Variants in EXTL1 observed in about 807,000 individuals in gnomAD.
The protein encoded by EXTL1 is exostosin-like 1.
EXTL1 carries 43 observed loss-of-function variants against 64.6 expected under a neutral mutation model. The ratio of observed to expected loss-of-function variants is 0.67; its 90% confidence interval spans 0.52 to 0.86. The LOEUF (loss-of-function observed/expected upper bound fraction) is 0.86, where lower values mean the gene tolerates loss of function less well. Among genes scored for constraint, EXTL1 ranks in the 40% least tolerant of loss-of-function variants. The pLI, the probability that EXTL1 is intolerant of heterozygous loss-of-function variation, is 0.00. For missense variants in EXTL1, 766 were observed against 879.0 expected, an observed-to-expected ratio of 0.87 and a Z score of 1.62; for synonymous variants, 352 against 360.5, an observed-to-expected ratio of 0.98 and a Z score of 0.27.
intron 1 of EXTL1, among the ~76,000 whole-genome samples, chr1:26,026,478 G>C (rs1162722627): frequency 2.0e-5 from 3 of 151,878 alleles, no homozygotes; most frequent in Non-Finnish European, 4.4e-5. Context: ...ATTTTTAGTA[G>C]AGATGGGGTT....
chr1:26,023,024 C>G lies in EXTL1; in HGVS notation c.378C>G (p.Phe126Leu). ...TTGAGGGCTCTCGCTTCTACACATTCAGCCCTGCTGGGGCCTGCCTCCTCC... is the reference window on the plus strand; with the variant it reads ...TTGAGGGCTCTCGCTTCTACACATTGAGCCCTGCTGGGGCCTGCCTCCTCC... ...ASIEGSRFYT[F>L]SPAGACLLLL... The change falls in exon 1 of 11, where the codon TTC becomes TTG. Residue 126 changes from phenylalanine to leucine, a missense_variant. Coordinates refer to ENST00000374280, the MANE Select transcript of EXTL1 (RefSeq NM_004455.3). 6.2e-7 allele frequency: 1 copy of G among 1,614,150 alleles called. No individual in the cohort carries two copies. The highest frequency in any genetic ancestry group is 1.1e-5 in the South Asian group (1 of 91,066).
intron 6 of EXTL1, chr1:26,032,149 A>G: frequency 2.1e-6 from 1 of 469,168 alleles, no homozygotes; most frequent in Non-Finnish European, 3.8e-6. Context: ...ACCACAGACA[A>G]CTCTCTTGAG....
chr1:26,029,098 G>A lies in EXTL1; in HGVS notation c.780-95G>A, dbSNP rs2050249858. The A allele has an allele frequency of 6.3e-6, 5 of 797,878 alleles. No individual in the cohort carries two copies. In the South Asian group the frequency reaches 7.8e-5, roughly 12 times the overall value. 49.4% of individuals were successfully genotyped at this position (797,878 alleles called of 1,614,324 possible). A position where few individuals can be genotyped will look rare whatever the true frequency, so the allele number is the denominator to read the frequency against. ...ACATTTGGGAGTGTGGGTGTGGGGT[G>A]CAGGGGTGTGGGGTTCTCCCATTGA... On this transcript the variant is annotated intron_variant, in intron 1 of 10. Transcript: ENST00000374280.
At chr1:26,027,613 T>C (rs774309839) in intron 1 of EXTL1, among the ~76,000 whole-genome samples, 1 of 147,554 alleles carries the variant, frequency 6.8e-6, no homozygotes, top group Non-Finnish European at 1.5e-5. Flanking sequence ...CTCAACACTT[T>C]GGGAGACTGA....
chr1:26,029,172 C>T (rs2050251602), intron 1 of EXTL1, 21 bp from the exon 2 acceptor site: 1 of 1,583,234 alleles, frequency 6.3e-7, no homozygotes, highest in African/African-American at 1.3e-5. Context: ...TGTGGTGGGA[C>T]CTCCCCATGT....
chr1:26,030,096 G>A (rs1212196188), intron 3 of EXTL1, among the ~76,000 whole-genome samples: 1 of 152,124 alleles, frequency 6.6e-6, no homozygotes, highest in African/African-American at 2.4e-5. Context: ...AACGCATGGC[G>A]ACTTTTCCAT....
In EXTL1 at chr1:26,030,511, G is replaced by T; in HGVS notation, c.1017G>T (p.Arg339=). 6.2e-7 allele frequency: 1 copy of T among 1,613,284 alleles called. No homozygotes were observed. The highest frequency in any genetic ancestry group is 8.5e-7 in the Non-Finnish European group (1 of 1,179,916). ...LAALQEMSPA[R]VLALRQQTQF... ...CCCTCCAGGAGATGTCCCCTGCACG[G>T]GTCCTCGCCCTGCGTCAGCAGACCC... The change falls in exon 4 of 11, where the codon CGG becomes CGT. Residue 339 remains arginine (R), a synonymous_variant. Transcript: ENST00000374280.
At chr1:26,029,035 G>A (rs567794701) in intron 1 of EXTL1, among the ~76,000 whole-genome samples, 158 bp from the exon 2 acceptor site, 11 of 152,302 alleles carry the variant, frequency 7.2e-5, no homozygotes, top group Admixed American at 5.2e-4. Context: ...GTGTTAGTGC[G>A]TCAGTGTGCG....
In EXTL1 at chr1:26,029,193, G is replaced by T; in HGVS notation, c.780G>T (p.Gln260His). 6.2e-7 allele frequency: 1 copy of T among 1,612,730 alleles called. No individual in the cohort carries two copies. ...GRCEQDPGPGQTQRQETLPNA... is the reference protein window; with the variant it reads ...GRCEQDPGPGHTQRQETLPNA... ...GGGACCTCCCCATGTGCCTCTTTAG[G>T]ACCCAGCGCCAGGAGACGCTGCCCA... Residue 260 changes from glutamine (Q) to histidine (H), a missense_variant and splice_region_variant, in exon 2 of 11, where the codon CAG becomes CAT. Physicochemically the swap from Gln to His is conservative, Grantham distance 24. Coordinates refer to ENST00000374280, the MANE Select transcript of EXTL1 (RefSeq NM_004455.3).
Position 26,033,250 on chromosome 1 carries a change from T to C in EXTL1, c.1453T>C (p.Tyr485His). The C allele has an allele frequency of 1.2e-6, 2 of 1,613,834 alleles. No individual in the cohort carries two copies. Among genetic ancestry groups the C allele is most frequent in the East Asian group, 2.2e-5 (1 of 44,876 alleles). Residue 485 changes from tyrosine (Y) to histidine (H), a missense_variant, in exon 8 of 11, where the codon TAT (tyrosine) becomes CAT (histidine). Around this residue, in one of 3 missense-constraint regions of EXTL1, gnomAD observed 571 missense variants for 647.6 expected, o/e 0.88. Coordinates refer to ENST00000374280, the MANE Select transcript of EXTL1 (RefSeq NM_004455.3). The surrounding 1 kb of genome is among the most constrained non-coding windows in gnomAD (Gnocchi z 5.1). ...GCAGGTTAGTGATCGCTTCTACCCA[T>C]ATAGCACCATCAGAACAGATGCCAT... is the stretch of plus-strand genomic sequence containing the variant. Reference protein sequence around the residue: ...HRKVSDRFYPYSTIRTDAILS... With the variant: ...HRKVSDRFYPHSTIRTDAILS...
chr1:26,031,514 A>G lies in EXTL1; in HGVS notation c.1289A>G (p.Gln430Arg), dbSNP rs752734450. The G allele has an allele frequency of 4.4e-6, 7 of 1,602,292 alleles. No individual in the cohort carries two copies. The Admixed American group carries it at 5.1e-5, about 12-fold the overall frequency. The change falls in exon 6 of 11, where the codon CAG (glutamine) becomes CGG (arginine). Residue 430 changes from glutamine (Q) to arginine (R), a missense_variant. Gln to Arg is a conservative substitution (Grantham distance 43). Coordinates refer to ENST00000374280, the MANE Select transcript of EXTL1 (RefSeq NM_004455.3). ...SALIWVGPPG[Q>R]PPLKLIQAVA... ...CTGATCTGGGTGGGGCCCCCAGGCC[A>G]GCCCCCTCTGAAGCTCATCCAGGCG...
At chr1:26,030,215 C>T (rs544412535) in intron 3 of EXTL1, among the ~76,000 whole-genome samples, 1 of 152,160 alleles carries the variant, frequency 6.6e-6, no homozygotes, top group African/African-American at 2.4e-5. Flanking sequence ...TTTAATTGAG[C>T]CTCTACAATG....
intron 1 of EXTL1, among the ~76,000 whole-genome samples, chr1:26,024,991 A>G (rs376505105): frequency 2.6e-5 from 4 of 152,130 alleles, no homozygotes; most frequent in African/African-American, 7.2e-5. Context: ...CGGTTTTCTA[A>G]TTAGCGTGGG....
chr1:26,031,460 G>T lies in EXTL1; in HGVS notation c.1235G>T (p.Gly412Val). ...QDFPFYYLQQGSRPEGRFSAL... is the reference protein window; with the variant it reads ...QDFPFYYLQQVSRPEGRFSAL... The stretch of plus-strand genomic sequence containing the variant: ...AATAGCCTGTGTCTCATTCCCCCAG[G>T]CTCCCGCCCTGAGGGCAGATTCAGC... The change falls in exon 6 of 11, where the codon GGC becomes GTC. Residue 412 changes from glycine to valine, a missense_variant and splice_region_variant. Physicochemically the swap from Gly to Val is moderately radical, Grantham distance 109. Transcript: ENST00000374280. The T allele has an allele frequency of 6.4e-7, 1 of 1,553,232 alleles. No homozygotes were observed. Among genetic ancestry groups the T allele is most frequent in the Non-Finnish European group, 8.7e-7 (1 of 1,144,408 alleles).
At position 26,034,787 on chromosome 1, in the gene EXTL1, TG is replaced by T. The variant is rs772021775; in HGVS notation, c.1680-45del. The T allele has an allele frequency of 1.9e-6, 3 of 1,580,354 alleles. No individual in the cohort carries two copies. The highest frequency in any genetic ancestry group is 4.5e-5 in the East Asian group (2 of 44,482). On this transcript the variant is annotated intron_variant, in intron 9 of 10. Coordinates refer to ENST00000374280, the MANE Select transcript of EXTL1 (RefSeq NM_004455.3). The surrounding 1 kb of genome is among the most constrained non-coding windows in gnomAD (Gnocchi z 4.6). ...GGTCAGGAGGGAGGAGAATGGGGCC[TG>T]GGGATGGATTTGGCTGCAGCCTCTC...
chr1:26,033,391 C>CA lies in EXTL1; in HGVS notation c.1518+77dup. The stretch of plus-strand genomic sequence containing the variant: ...GGGCCCTGGCAGCCCCTCAGGTTCC[C>CA]AGGGTTGAGGGGACCCCAGGTCATG... On this transcript the variant is annotated intron_variant, in intron 8 of 10. Coordinates refer to ENST00000374280, the MANE Select transcript of EXTL1 (RefSeq NM_004455.3). This position sits in a 1 kb window ranked among gnomAD's most constrained non-coding sequence, Gnocchi z 5.1. 6.7e-6 allele frequency: 9 copies of CA among 1,338,576 alleles called. No homozygotes were observed. The highest frequency in any genetic ancestry group is 8.6e-6 in the Non-Finnish European group (8 of 932,062). The allele number at this position is 1,338,576 out of a possible 1,614,324, so 82.9% of individuals were successfully genotyped here. A position where few individuals can be genotyped will look rare whatever the true frequency, so the allele number is the denominator to read the frequency against.
rs115499867 is a variant in EXTL1, at chr1:26,029,249, G to A, written c.836G>A (p.Arg279His). ...NATFCLISGH[R>H]PEAASRFLQA... ...ACCTTCTGCCTCATCTCTGGCCACCGTCCCGAGGCTGCCTCGCGCTTCCTC... is the reference window on the plus strand; with the variant it reads ...ACCTTCTGCCTCATCTCTGGCCACCATCCCGAGGCTGCCTCGCGCTTCCTC... Residue 279 changes from arginine to histidine, a missense_variant, in exon 2 of 11, where the codon CGT becomes CAT. This residue lies in a region of EXTL1 where 571 missense variants were observed against 647.6 expected (regional missense o/e 0.88). Coordinates refer to ENST00000374280, the MANE Select transcript of EXTL1 (RefSeq NM_004455.3). 9.3e-4 allele frequency: 1,495 copies of A among 1,613,792 alleles called. 16 individuals carry two copies. In the African/African-American group the frequency reaches 0.017, roughly 18 times the overall value.
Position 26,035,096 on chromosome 1 carries a change from T to G in EXTL1, c.1849-69T>G. The G allele has an allele frequency of 1.3e-6, 2 of 1,592,472 alleles. No homozygotes were observed. The highest frequency in any genetic ancestry group is 1.7e-6 in the Non-Finnish European group (2 of 1,165,206). ...CTCACTGTCTAATTCCAGTCTTTCT[T>G]GCTGCACGGGCGTGGGGAGTTCGGA... On this transcript the variant is annotated intron_variant, in intron 10 of 10. Transcript: ENST00000374280. This position sits in a 1 kb window ranked among gnomAD's most constrained non-coding sequence, Gnocchi z 5.3.
rs745393363 is a variant in EXTL1 at position 26,022,628 on chromosome 1, C to A, written c.-19C>A. 1 of 1,564,890 alleles carries A rather than the reference C, an allele frequency of 6.4e-7. No homozygotes were observed. Among genetic ancestry groups the A allele is most frequent in the African/African-American group, 1.4e-5 (1 of 73,770 alleles). On this transcript the variant is annotated 5_prime_UTR_variant, in exon 1 of 11. Transcript: ENST00000374280. ...GCAGAGGCCTCCCAGCTTCCCTAGC[C>A]CTGACTGTGGGTGGCCACATGCAGT...
Sources: gnomAD v4.1 joint callset for allele counts (sites outside exome capture counted in the v4.1 genomes callset) on GRCh38, gnomAD v4.1.1 for gene constraint, gnomAD v4.1.1 regional missense constraint, Gnocchi (gnomAD v3.1) non-coding constraint, MANE v1.5 for transcripts, NCBI Gene and HGNC (gene_info 2026-07-23, HGNC 2026-07-21) for gene names.